The following PDE1C variants were observed in gnomAD, a reference collection of about 807,000 sequenced individuals.
The protein encoded by PDE1C is phosphodiesterase 1C.
PDE1C carries 62 observed loss-of-function variants against 93.1 expected under a neutral mutation model. The observed-to-expected ratio is 0.67, with a 90% confidence interval of 0.54 to 0.82. The LOEUF (loss-of-function observed/expected upper bound fraction) is 0.82. Among genes scored for constraint, PDE1C ranks in the 40% least tolerant of loss-of-function variants. The pLI is 0.00. For synonymous variants in PDE1C, 325 were observed against 310.1 expected, an observed-to-expected ratio of 1.05 and a Z score of -0.50; for missense variants, 742 against 884.6, an observed-to-expected ratio of 0.84 and a Z score of 2.04.
intron 2 of PDE1C, among the ~76,000 whole-genome samples, chr7:31,920,556 T>A (rs1310093221): frequency 1.3e-5 from 2 of 151,498 alleles, no homozygotes; most frequent in East Asian, 3.9e-4. Context: ...TTAAGTCTTT[T>A]TTTTATCACC....
the PDE1C span, among the ~76,000 whole-genome samples, chr7:31,667,728 T>C: frequency 3.3e-5 from 5 of 152,046 alleles, no homozygotes; most frequent in African/African-American, 1.2e-4. Context: ...CATATTGTAC[T>C]GGCTCATCGA....
At chr7:32,399,140 C>T (rs746201673) in intron 1 of PDE1C, among the ~76,000 whole-genome samples, 6 of 152,164 alleles carry the variant, frequency 3.9e-5, no homozygotes, top group Non-Finnish European at 7.3e-5. Context: ...GGATGAGGAG[C>T]TGGGAAGAGG....
At chr7:32,318,453 G>C (rs748722817) in intron 1 of PDE1C, among the ~76,000 whole-genome samples, 1 of 151,694 alleles carries the variant, frequency 6.6e-6, no homozygotes, top group Non-Finnish European at 1.5e-5. Flanking sequence ...CTCTCCCTCC[G>C]CCGCGGTCTA....
At chr7:31,654,559 G>C in the PDE1C span, among the ~76,000 whole-genome samples, 1 of 152,184 alleles carries the variant, frequency 6.6e-6, no homozygotes, top group East Asian at 1.9e-4. Context: ...GCCCAGCTAG[G>C]AGGCTGTTGC....
intron 2 of PDE1C, among the ~76,000 whole-genome samples, chr7:31,967,780 C>CCACTTGCATCCA (rs1810259741): frequency 6.6e-6 from 1 of 152,148 alleles, no homozygotes; most frequent in South Asian, 2.1e-4. Context: ...GGGCTTCATC[C>CCACTTGCATCCA]CTGGGATGCA....
intron 1 of PDE1C, among the ~76,000 whole-genome samples, chr7:32,212,873 C>A (rs1280412557): frequency 6.6e-6 from 1 of 152,196 alleles, no homozygotes; most frequent in Non-Finnish European, 1.5e-5. Context: ...AACCACCGAG[C>A]AGGTTTCTTA....
chr7:31,629,472 AAC>A, the PDE1C span, among the ~76,000 whole-genome samples: 397 of 152,342 alleles, frequency 2.6e-3, no homozygotes, highest in African/African-American at 6.3e-3. Context: ...GGGGAATAGA[AAC>A]AGTTATCATT....
At chr7:32,177,407 C>T (rs1025210862) in intron 2 of PDE1C, among the ~76,000 whole-genome samples, 10 of 152,126 alleles carry the variant, frequency 6.6e-5, no homozygotes, top group Admixed American at 5.2e-4. Context: ...CTGCCCTATG[C>T]GCATATGCCA....
At chr7:32,171,741 T>C (rs1029535908) in intron 2 of PDE1C, among the ~76,000 whole-genome samples, 6 of 151,184 alleles carry the variant, frequency 4.0e-5, no homozygotes, top group African/African-American at 1.5e-4. Flanking sequence ...CAATACTACA[T>C]CATTTTATAT....
intron 16 of PDE1C, among the ~76,000 whole-genome samples, chr7:31,801,473 T>C (rs1786029195): frequency 6.6e-6 from 1 of 151,526 alleles, no homozygotes; most frequent in South Asian, 2.1e-4. Context: ...AAAAGATGTG[T>C]ATTCTTCTAT....
At chr7:32,105,318 T>G (rs1465342188) in intron 3 of PDE1C, among the ~76,000 whole-genome samples, 1 of 152,076 alleles carries the variant, frequency 6.6e-6, no homozygotes, top group Non-Finnish European at 1.5e-5. Flanking sequence ...AGCAAAGAGA[T>G]GAGTAATAAC....
chr7:31,793,968 T>C (rs896455261), intron 16 of PDE1C, among the ~76,000 whole-genome samples: 3 of 149,960 alleles, frequency 2.0e-5, no homozygotes, highest in Non-Finnish European at 4.4e-5. Flanking sequence ...GAAGGACAGA[T>C]AGACAGACAC....
chr7:32,009,206 G>A, intron 2 of PDE1C, among the ~76,000 whole-genome samples: 1 of 152,204 alleles, frequency 6.6e-6, no homozygotes, highest in South Asian at 2.1e-4. Context: ...GAGCCCTGTG[G>A]TTGCCATAGC....
chr7:32,342,646 G>T (rs1197017870), intron 1 of PDE1C, among the ~76,000 whole-genome samples: 2 of 152,166 alleles, frequency 1.3e-5, no homozygotes, highest in African/African-American at 4.8e-5. Context: ...GTTAGGAGAA[G>T]AGTCTGAAGC....
rs138638241 is a variant in PDE1C, at chr7:32,425,553, C to T, written c.310+2269G>A. 2.5e-3 allele frequency among the ~76,000 whole-genome samples: 381 copies of T among 152,132 alleles called. 2 individuals are homozygous for T. Among genetic ancestry groups the T allele is most frequent in the African/African-American group, 8.8e-3 (364 of 41,508 alleles). On this transcript the variant is annotated intron_variant, in intron 1 of 1. Transcript: ENST00000672256. ...AAAGTTAAAAGTATTTCCAAGGTGT[C>T]GTCAAATCCAGAACGAATCTAATTC...
At chr7:32,118,326 C>T (rs182143894) in intron 3 of PDE1C, among the ~76,000 whole-genome samples, 1 of 152,242 alleles carries the variant, frequency 6.6e-6, no homozygotes, top group East Asian at 1.9e-4. Context: ...TCTTTCTTTA[C>T]TGTTCAAGAA....
intron 2 of PDE1C, among the ~76,000 whole-genome samples, chr7:32,017,185 A>G (rs1788022675): frequency 6.6e-6 from 1 of 152,164 alleles, no homozygotes; most frequent in South Asian, 2.1e-4. Context: ...TAATTATGAG[A>G]ATAATTATGA....
intron 2 of PDE1C, among the ~76,000 whole-genome samples, chr7:31,930,035 A>G (rs1474294798): frequency 6.6e-6 from 1 of 152,184 alleles, no homozygotes; most frequent in African/African-American, 2.4e-5. Flanking sequence ...CTAATAAAGA[A>G]GAGAGAAGAA....
chr7:31,989,228 T>G (rs1000202847), intron 2 of PDE1C, among the ~76,000 whole-genome samples: 12 of 152,272 alleles, frequency 7.9e-5, no homozygotes, highest in Non-Finnish European at 1.8e-4. Flanking sequence ...TTCATTTGTG[T>G]TAAGGTCATA....
Sources: allele counts gnomAD v4.1 joint callset (sites outside exome capture counted in the v4.1 genomes callset), GRCh38; gene constraint gnomAD v4.1.1; transcripts MANE v1.5; gene names NCBI Gene and HGNC (gene_info 2026-07-23, HGNC 2026-07-21).